ARHGEF6: variants seen among roughly 807,000 people sequenced by gnomAD.
ARHGEF6 encodes the protein rho guanine nucleotide exchange factor 6.
In ARHGEF6, 9 loss-of-function variants were observed where a neutral mutation model predicts 70.3. The ratio of observed to expected loss-of-function variants is 0.13; its 90% CI spans 0.08 to 0.22. The LOEUF (loss-of-function observed/expected upper bound fraction) is 0.22. Ranked by LOEUF, ARHGEF6 falls within the 10% of genes least tolerant of loss-of-function variation. The pLI, the probability that ARHGEF6 is intolerant of heterozygous loss-of-function variation, is 1.00. For synonymous variants in ARHGEF6, 201 were observed against 207.8 expected (o/e 0.97, Z 0.28); for missense variants, 470 against 563.0 (o/e 0.83, Z 1.67).
chrX:136,667,314 C>G lies in ARHGEF6; in HGVS notation c.*715G>C, dbSNP rs2076170204. 8.9e-6 allele frequency: 1 copy of G among 112,183 alleles called. No homozygotes were observed. Among genetic ancestry groups the G allele is most frequent in the African/African-American group, 3.2e-5 (1 of 30,797 alleles). The allele number at this position is 112,183 out of a possible 1,213,427, so 9.2% of individuals were successfully genotyped here. ...TGGATTTGGTGTTGGTGTGGGTGAC[C>G]AGAGCTTCTGCCCCCCTGAGTTACA... On this transcript the variant is annotated 3_prime_UTR_variant, in exon 22 of 22. Transcript: ENST00000250617.
At chrX:136,686,697 C>CATAT (rs768836827) in intron 11 of ARHGEF6, among the ~76,000 whole-genome samples, 2 of 42,933 alleles carry the variant, frequency 4.7e-5, no homozygotes, top group Admixed American at 3.6e-4. Flanking sequence ...TATATATACA[C>CATAT]ATATATATAT....
At chrX:136,712,197 C>T (rs1480734497) in intron 7 of ARHGEF6, among the ~76,000 whole-genome samples, 2 of 111,744 alleles carry the variant, frequency 1.8e-5, no homozygotes, top group African/African-American at 6.5e-5. Context: ...CAGCCTCCGC[C>T]TCCCAGGCTC....
In ARHGEF6 at chrX:136,695,205, T is replaced by G. The variant is rs778345078; in HGVS notation, c.1047-4457A>C. 3.6e-5 allele frequency among the ~76,000 whole-genome samples: 4 copies of G among 112,405 alleles called. No individual in the cohort carries two copies. In the East Asian group the frequency reaches 1.1e-3, roughly 31 times the overall value. ...TGCATGTAAAATAGTTGAGATTATA[T>G]TAAAAGCACATGTGAGAAAAACCTC... On this transcript the variant is annotated intron_variant, in intron 9 of 21. Coordinates refer to ENST00000250617, the MANE Select transcript of ARHGEF6 (RefSeq NM_004840.3).
At chrX:136,670,197 A>G (rs2076209495) in intron 20 of ARHGEF6, among the ~76,000 whole-genome samples, 1 of 112,252 alleles carries the variant, frequency 8.9e-6, no homozygotes, top group African/African-American at 3.2e-5. Flanking sequence ...TAGATTACTT[A>G]TCATACCTAA....
At chrX:136,708,361 C>T (rs1032150382) in intron 8 of ARHGEF6, among the ~76,000 whole-genome samples, 1 of 107,189 alleles carries the variant, frequency 9.3e-6, no homozygotes, top group Admixed American at 1.0e-4. Context: ...GCACATTTAT[C>T]CCAGAACTTT....
At chrX:136,764,377 A>G (rs2077292957) in intron 2 of ARHGEF6, among the ~76,000 whole-genome samples, 1 of 112,169 alleles carries the variant, frequency 8.9e-6, no homozygotes, top group African/African-American at 3.2e-5. Flanking sequence ...AACAATGTAG[A>G]TGTCCATCAA....
intron 19 of ARHGEF6, among the ~76,000 whole-genome samples, chrX:136,674,537 T>C (rs2076258108): frequency 8.9e-6 from 1 of 112,523 alleles, no homozygotes; most frequent in Admixed American, 9.3e-5. Context: ...TTCCAGATTT[T>C]CAGAGCAACT....
At chrX:136,722,582 C>A (rs1179015648) in intron 6 of ARHGEF6, among the ~76,000 whole-genome samples, 3 of 111,453 alleles carry the variant, frequency 2.7e-5, no homozygotes, top group Non-Finnish European at 5.7e-5. Context: ...TAGGAAAATG[C>A]TAATCAAAAC....
chrX:136,773,107 C>T (rs1007156459), intron 2 of ARHGEF6, among the ~76,000 whole-genome samples: 6 of 111,346 alleles, frequency 5.4e-5, no homozygotes, highest in African/African-American at 2.0e-4. Flanking sequence ...TTTTTAATGT[C>T]GTCACCATGC....
intron 2 of ARHGEF6, among the ~76,000 whole-genome samples, chrX:136,751,829 G>C (rs1392858086): frequency 9.0e-6 from 1 of 111,702 alleles, no homozygotes; most frequent in African/African-American, 3.3e-5. Context: ...CTGGTTTATG[G>C]CTTTTTGTTC....
At chrX:136,681,291 G>A (rs2076330923) in intron 14 of ARHGEF6, among the ~76,000 whole-genome samples, 1 of 111,779 alleles carries the variant, frequency 8.9e-6, no homozygotes, top group Non-Finnish European at 1.9e-5. Context: ...CAAACCTTAA[G>A]CTCCTTCTTG....
intron 5 of ARHGEF6, among the ~76,000 whole-genome samples, chrX:136,741,502 A>T (rs1281520188): frequency 1.8e-5 from 2 of 110,581 alleles, no homozygotes; most frequent in African/African-American, 3.3e-5. Context: ...GAGGAGTCAA[A>T]AGTTATACAT....
At position 136,732,107 on chromosome X, in the gene ARHGEF6, T is replaced by A. The variant is rs1200608528; in HGVS notation, c.727A>T (p.Thr243Ser). The A allele has an allele frequency of 8.3e-7, 1 of 1,201,878 alleles. No homozygotes were observed. Among genetic ancestry groups the A allele is most frequent in the Non-Finnish European group, 1.1e-6 (1 of 888,742 alleles). The change falls in exon 6 of 22, where the codon ACT becomes TCT. Residue 243 changes from threonine (T) to serine (S), a missense_variant. Thr to Ser is a moderately conservative substitution (Grantham distance 58). Coordinates refer to ENST00000250617, the MANE Select transcript of ARHGEF6 (RefSeq NM_004840.3). ...ETAPLTKNYY[T>S]VVLQNILDTE... The stretch of plus-strand genomic sequence containing the variant: ...TTCATCATCTGAACACTTACCACAG[T>A]ATAATAATTCTTGGTAAGTGGAGCA...
At chrX:136,685,542 G>A in intron 12 of ARHGEF6, 135 bp downstream of exon 12, 5 of 682,485 alleles carry the variant, frequency 7.3e-6, no homozygotes, top group Non-Finnish European at 1.1e-5. Flanking sequence ...AGGAGGCAGA[G>A]GTTGCAGTGA....
chrX:136,753,993 C>T (rs1177042488), intron 2 of ARHGEF6, among the ~76,000 whole-genome samples: 2 of 111,470 alleles, frequency 1.8e-5, no homozygotes, highest in African/African-American at 6.5e-5. Flanking sequence ...ATTACTCGAA[C>T]CTCATAGAAT....
At chrX:136,682,079 C>G (rs1603335212) in intron 13 of ARHGEF6, 111 bp from the exon 14 acceptor site, 1 of 581,117 alleles carries the variant, frequency 1.7e-6, no homozygotes, top group African/African-American at 2.2e-5. Context: ...AGACGTATTT[C>G]TCCAGTCTGT....
chrX:136,766,908 C>A (rs1032664134), intron 2 of ARHGEF6, among the ~76,000 whole-genome samples: 2 of 112,400 alleles, frequency 1.8e-5, no homozygotes, highest in African/African-American at 6.5e-5. Flanking sequence ...GGACAACTCG[C>A]CCCTAAGTTT....
intron 9 of ARHGEF6, among the ~76,000 whole-genome samples, chrX:136,694,972 T>C (rs781590320): frequency 8.9e-6 from 1 of 112,096 alleles, no homozygotes; most frequent in South Asian, 3.7e-4. Flanking sequence ...CCAATTGTTA[T>C]AAGCATTCCT....
At chrX:136,743,333 G>C (rs1219122689) in intron 5 of ARHGEF6, among the ~76,000 whole-genome samples, 2 of 112,139 alleles carry the variant, frequency 1.8e-5, no homozygotes, top group African/African-American at 6.5e-5. Flanking sequence ...TACAGTTAGG[G>C]TGGACCAGTT....
Sources: allele counts gnomAD v4.1 joint callset (sites outside exome capture counted in the v4.1 genomes callset), GRCh38; gene constraint gnomAD v4.1.1; transcripts MANE v1.5; gene names NCBI Gene and HGNC (gene_info 2026-07-23, HGNC 2026-07-21).